Variants in OR4K5 observed in about 807,000 individuals in gnomAD.
OR4K5 encodes olfactory receptor 4K5.
For synonymous variants in OR4K5, 187 were observed against 142.2 expected, an observed-to-expected ratio of 1.31 and a Z score of -2.24; for missense variants, 520 against 377.1, an observed-to-expected ratio of 1.38 and a Z score of -3.14.
chr14:19,921,212 T>G lies in OR4K5; in HGVS notation c.606T>G (p.Asn202Lys). ...SYIIEILIVV[N>K]SGILSLSTFS... Reference sequence around the variant, plus strand: ...TCATTGAAATACTAATTGTGGTCAATAGTGGAATTCTTTCCCTAAGCACTT... The same window carrying G: ...TCATTGAAATACTAATTGTGGTCAAGAGTGGAATTCTTTCCCTAAGCACTT... Residue 202 changes from asparagine (N) to lysine (K), a missense_variant, in exon 1 of 1, where the codon AAT (asparagine) becomes AAG (lysine). Physicochemically the swap from Asn to Lys is moderately conservative, Grantham distance 94. Transcript: ENST00000315915. 1 of 1,614,198 alleles carries G rather than the reference T, an allele frequency of 6.2e-7. No individual in the cohort carries two copies.
rs1221834647 is a variant in OR4K5, at chr14:19,921,172, G to T, written c.566G>T (p.Cys189Phe). 3 of 1,614,038 alleles carry T rather than the reference G, an allele frequency of 1.9e-6. No individual in the cohort carries two copies. In the African/African-American group the frequency reaches 4.0e-5, roughly 22 times the overall value. The stretch of plus-strand genomic sequence containing the variant: ...CTTCCTCGAGTCACCAAACTTGCCT[G>T]CCTGGACTCTTACATCATTGAAATA... Reference protein sequence around the residue: ...CDLPRVTKLACLDSYIIEILI... With the variant: ...CDLPRVTKLAFLDSYIIEILI... Residue 189 changes from cysteine (C) to phenylalanine (F), a missense_variant, in exon 1 of 1, where the codon TGC becomes TTC. Cys to Phe is a radical substitution (Grantham distance 205). Coordinates refer to ENST00000315915, the MANE Select transcript of OR4K5 (RefSeq NM_001005483.1).
Position 19,921,427 on chromosome 14 carries a change from T to C in OR4K5, c.821T>C (p.Phe274Ser). The change falls in exon 1 of 1, where the codon TTT (phenylalanine) becomes TCT (serine). Residue 274 changes from phenylalanine to serine, a missense_variant. Phe to Ser is a radical substitution (Grantham distance 155, BLOSUM62 -2). Coordinates refer to ENST00000315915, the MANE Select transcript of OR4K5 (RefSeq NM_001005483.1). ...ISPLDKFLAI[F>S]YTVFTPVLNP... ...CCTTTGGATAAATTTCTTGCCATAT[T>C]TTACACTGTTTTCACCCCCGTCCTA... 6.2e-7 allele frequency: 1 copy of C among 1,614,166 alleles called. No homozygotes were observed. The highest frequency in any genetic ancestry group is 8.5e-7 in the Non-Finnish European group (1 of 1,179,998).
Position 19,921,431 on chromosome 14 carries a change from C to T in OR4K5, c.825C>T (p.Tyr275=), listed in dbSNP as rs530925584. Residue 275 remains tyrosine, a synonymous_variant, in exon 1 of 1, where the codon TAC becomes TAT. Transcript: ENST00000315915. ...SPLDKFLAIF[Y]TVFTPVLNPI... ...TGGATAAATTTCTTGCCATATTTTA[C>T]ACTGTTTTCACCCCCGTCCTAAACC... The T allele has an allele frequency of 1.2e-6, 2 of 1,614,016 alleles. No individual in the cohort carries two copies.
At position 19,921,104 on chromosome 14, in the gene OR4K5, G is replaced by T. The variant is rs936305586; in HGVS notation, c.498G>T (p.Leu166=). 4 of 1,614,034 alleles carry T rather than the reference G, an allele frequency of 2.5e-6. No homozygotes were observed. In the African/African-American group the frequency reaches 5.3e-5, roughly 22 times the overall value. ...TLSQLSFTVN[L]PFCGPNVVDS... ...GCCAGTTATCATTTACTGTGAACCTGCCTTTTTGTGGACCTAATGTAGTAG... is the reference window on the plus strand; with the variant it reads ...GCCAGTTATCATTTACTGTGAACCTTCCTTTTTGTGGACCTAATGTAGTAG... The change falls in exon 1 of 1, where the codon CTG becomes CTT. Residue 166 remains leucine, a synonymous_variant. Coordinates refer to ENST00000315915, the MANE Select transcript of OR4K5 (RefSeq NM_001005483.1).
rs754414477 is a variant in OR4K5, at chr14:19,921,317, T to C, written c.711T>C (p.Phe237=). Residue 237 remains phenylalanine, a synonymous_variant, in exon 1 of 1, where the codon TTT becomes TTC. Transcript: ENST00000315915. ...LKSSAAMAKA[F]STLASHIAVV... ...CTTCAGCTGCAATGGCAAAGGCATT[T>C]TCTACGCTGGCTTCCCATATTGCAG... 5.0e-6 allele frequency: 8 copies of C among 1,614,202 alleles called. No individual in the cohort carries two copies. The highest frequency in any genetic ancestry group is 5.9e-6 in the Non-Finnish European group (7 of 1,180,008).
Position 19,920,789 on chromosome 14 carries a change from T to A in OR4K5, c.183T>A (p.Phe61Leu). 1 of 1,614,204 alleles carries A rather than the reference T, an allele frequency of 6.2e-7. No homozygotes were observed. Among genetic ancestry groups the A allele is most frequent in the Non-Finnish European group, 8.5e-7 (1 of 1,180,012 alleles). Residue 61 changes from phenylalanine to leucine, a missense_variant, in exon 1 of 1, where the codon TTT becomes TTA. Transcript: ENST00000315915. ...SDTSLHSPMY[F>L]LLGNLSFVDI... Reference sequence around the variant, plus strand: ...CCAGCCTGCACTCCCCTATGTACTTTCTCTTGGGAAACCTTTCCTTTGTTG... The same window carrying A: ...CCAGCCTGCACTCCCCTATGTACTTACTCTTGGGAAACCTTTCCTTTGTTG...
Position 19,921,005 on chromosome 14 carries a change from G to A in OR4K5, c.399G>A (p.Val133=). The change falls in exon 1 of 1, where the codon GTG becomes GTA. Residue 133 remains valine (V), a synonymous_variant. Transcript: ENST00000315915. Reference sequence around the variant, plus strand: ...CCATATGCAAACCCTTATACTATGTGGTCATCATGAGCCGAAGGACATGCA... The same window carrying A: ...CCATATGCAAACCCTTATACTATGTAGTCATCATGAGCCGAAGGACATGCA... The part of the protein sequence containing the change: ...YVAICKPLYY[V]VIMSRRTCTV... The A allele has an allele frequency of 6.2e-7, 1 of 1,614,154 alleles. No individual in the cohort carries two copies. The highest frequency in any genetic ancestry group is 2.2e-5 in the East Asian group (1 of 44,890).
In OR4K5 at chr14:19,920,859, T is replaced by C. The variant is rs1305130662; in HGVS notation, c.253T>C (p.Phe85Leu). 5.6e-6 allele frequency: 9 copies of C among 1,614,182 alleles called. No individual in the cohort carries two copies. The highest frequency in any genetic ancestry group is 7.6e-6 in the Non-Finnish European group (9 of 1,179,990). The change falls in exon 1 of 1, where the codon TTT (phenylalanine) becomes CTT (leucine). Residue 85 changes from phenylalanine to leucine, a missense_variant. Transcript: ENST00000315915. Reference protein sequence around the residue: ...SFATPKMIADFLSAHETISFS... With the variant: ...SFATPKMIADLLSAHETISFS... ...TGCTACCCCTAAAATGATTGCAGAT[T>C]TTCTGAGTGCACACGAGACCATATC...
Position 19,921,022 on chromosome 14 carries a change from G to A in OR4K5, c.416G>A (p.Arg139Lys), listed in dbSNP as rs1305077423. The A allele has an allele frequency of 3.7e-6, 6 of 1,614,204 alleles. No individual in the cohort carries two copies. In the South Asian group the frequency reaches 6.6e-5, roughly 18 times the overall value. Residue 139 changes from arginine (R) to lysine (K), a missense_variant, in exon 1 of 1, where the codon AGG (arginine) becomes AAG (lysine). Physicochemically the swap from Arg to Lys is conservative, Grantham distance 26. Transcript: ENST00000315915. ...PLYYVVIMSRRTCTVLVMISW... is the reference protein window; with the variant it reads ...PLYYVVIMSRKTCTVLVMISW... ...TACTATGTGGTCATCATGAGCCGAA[G>A]GACATGCACTGTCTTGGTAATGATC...
In OR4K5 at chr14:19,921,422, C is replaced by T; in HGVS notation, c.816C>T (p.Ala272=). 1.2e-6 allele frequency: 2 copies of T among 1,614,090 alleles called. No homozygotes were observed. Among genetic ancestry groups the T allele is most frequent in the South Asian group, 1.1e-5 (1 of 91,084 alleles). ...TCTCTCCTTTGGATAAATTTCTTGC[C>T]ATATTTTACACTGTTTTCACCCCCG... ...FTISPLDKFL[A]IFYTVFTPVL... Residue 272 remains alanine (A), a synonymous_variant, in exon 1 of 1, where the codon GCC becomes GCT. Transcript: ENST00000315915.
rs764173018 is a variant in OR4K5 at position 19,920,656 on chromosome 14, T to C, written c.50T>C (p.Leu17Pro). Reference protein sequence around the residue: ...SVVSEFVLLGLCSSQKLQLFY... With the variant: ...SVVSEFVLLGPCSSQKLQLFY... ...GTGTCTGAATTTGTACTGTTGGGAC[T>C]CTGTAGTTCTCAAAAACTCCAGCTT... Residue 17 changes from leucine (L) to proline (P), a missense_variant, in exon 1 of 1, where the codon CTC (leucine) becomes CCC (proline). Coordinates refer to ENST00000315915, the MANE Select transcript of OR4K5 (RefSeq NM_001005483.1). 6.2e-7 allele frequency: 1 copy of C among 1,613,824 alleles called. No homozygotes were observed.
In OR4K5 at chr14:19,921,026, A is replaced by T; in HGVS notation, c.420A>T (p.Thr140=). Residue 140 remains threonine, a synonymous_variant, in exon 1 of 1, where the codon ACA becomes ACT. Transcript: ENST00000315915. ...LYYVVIMSRR[T]CTVLVMISWA... ...ATGTGGTCATCATGAGCCGAAGGAC[A>T]TGCACTGTCTTGGTAATGATCTCCT... 1 of 1,614,204 alleles carries T rather than the reference A, an allele frequency of 6.2e-7. No homozygotes were observed. The highest frequency in any genetic ancestry group is 8.5e-7 in the Non-Finnish European group (1 of 1,179,996).
chr14:19,921,417 C>A lies in OR4K5; in HGVS notation c.811C>A (p.Leu271Ile), dbSNP rs1234650503. 6.2e-7 allele frequency: 1 copy of A among 1,614,112 alleles called. No individual in the cohort carries two copies. The highest frequency in any genetic ancestry group is 1.1e-5 in the South Asian group (1 of 91,084). ...PFTISPLDKF[L>I]AIFYTVFTPV... is the part of the protein sequence containing the mutation. ...TACCATCTCTCCTTTGGATAAATTT[C>A]TTGCCATATTTTACACTGTTTTCAC... The change falls in exon 1 of 1, where the codon CTT becomes ATT. Residue 271 changes from leucine to isoleucine, a missense_variant. Transcript: ENST00000315915.
At position 19,921,345 on chromosome 14, in the gene OR4K5, G is replaced by A. The variant is rs749230082; in HGVS notation, c.739G>A (p.Val247Ile). 3.7e-6 allele frequency: 6 copies of A among 1,614,150 alleles called. No individual in the cohort carries two copies. Among genetic ancestry groups the A allele is most frequent in the Middle Eastern group, 3.3e-4 (2 of 6,062 alleles). The change falls in exon 1 of 1, where the codon GTA (valine) becomes ATA (isoleucine). Residue 247 changes from valine (V) to isoleucine (I), a missense_variant. Coordinates refer to ENST00000315915, the MANE Select transcript of OR4K5 (RefSeq NM_001005483.1). ...TACGCTGGCTTCCCATATTGCAGTA[G>A]TAATATTATTCTTTGGACCTTGCAT... ...FSTLASHIAV[V>I]ILFFGPCIFI...
chr14:19,920,971 G>A lies in OR4K5; in HGVS notation c.365G>A (p.Arg122Lys). Residue 122 changes from arginine (R) to lysine (K), a missense_variant, in exon 1 of 1, where the codon AGG becomes AAG. Coordinates refer to ENST00000315915, the MANE Select transcript of OR4K5 (RefSeq NM_001005483.1). ...CTACTTGTTTCGATGGCCTATGACAGGTATGTAGCCATATGCAAACCCTTA... is the reference window on the plus strand; with the variant it reads ...CTACTTGTTTCGATGGCCTATGACAAGTATGTAGCCATATGCAAACCCTTA... ...MVLLVSMAYD[R>K]YVAICKPLYY... 2 of 1,614,132 alleles carry A rather than the reference G, an allele frequency of 1.2e-6. No individual in the cohort carries two copies. Among genetic ancestry groups the A allele is most frequent in the South Asian group, 1.1e-5 (1 of 91,084 alleles).
Position 19,920,873 on chromosome 14 carries a change from C to G in OR4K5, c.267C>G (p.His89Gln). Reference protein sequence around the residue: ...PKMIADFLSAHETISFSGCIA... With the variant: ...PKMIADFLSAQETISFSGCIA... Reference sequence around the variant, plus strand: ...TGATTGCAGATTTTCTGAGTGCACACGAGACCATATCTTTCAGTGGCTGCA... The same window carrying G: ...TGATTGCAGATTTTCTGAGTGCACAGGAGACCATATCTTTCAGTGGCTGCA... The change falls in exon 1 of 1, where the codon CAC becomes CAG. Residue 89 changes from histidine (H) to glutamine (Q), a missense_variant. Coordinates refer to ENST00000315915, the MANE Select transcript of OR4K5 (RefSeq NM_001005483.1). 6.2e-7 allele frequency: 1 copy of G among 1,614,172 alleles called. No individual in the cohort carries two copies. Among genetic ancestry groups the G allele is most frequent in the Non-Finnish European group, 8.5e-7 (1 of 1,179,994 alleles).
rs1477207784 is a variant in OR4K5 at position 19,920,739 on chromosome 14, A to G, written c.133A>G (p.Ile45Val). The change falls in exon 1 of 1, where the codon ATT becomes GTT. Residue 45 changes from isoleucine (I) to valine (V), a missense_variant. Ile to Val is a conservative substitution (Grantham distance 29). Transcript: ENST00000315915. ...YTVIVLGNLLIILTVTSDTSL... is the reference protein window; with the variant it reads ...YTVIVLGNLLVILTVTSDTSL... ...AGTCATTGTGCTGGGAAATCTTCTC[A>G]TTATCCTCACAGTGACTTCTGATAC... is the stretch of plus-strand genomic sequence containing the variant. The G allele has an allele frequency of 6.2e-7, 1 of 1,614,072 alleles. No homozygotes were observed. Among genetic ancestry groups the G allele is most frequent in the Admixed American group, 1.7e-5 (1 of 60,006 alleles).
rs1881922437 is a variant in OR4K5, at chr14:19,921,009, A to G, written c.403A>G (p.Ile135Val). Residue 135 changes from isoleucine to valine, a missense_variant, in exon 1 of 1, where the codon ATC (isoleucine) becomes GTC (valine). Coordinates refer to ENST00000315915, the MANE Select transcript of OR4K5 (RefSeq NM_001005483.1). ...AICKPLYYVV[I>V]MSRRTCTVLV... Reference sequence around the variant, plus strand: ...ATGCAAACCCTTATACTATGTGGTCATCATGAGCCGAAGGACATGCACTGT... The same window carrying G: ...ATGCAAACCCTTATACTATGTGGTCGTCATGAGCCGAAGGACATGCACTGT... The G allele has an allele frequency of 5.0e-6, 8 of 1,614,086 alleles. No homozygotes were observed. The East Asian group carries it at 6.7e-5, about 13-fold the overall frequency.
Position 19,921,498 on chromosome 14 carries a change from G to C in OR4K5, c.892G>C (p.Val298Leu). 6.2e-7 allele frequency: 1 copy of C among 1,613,940 alleles called. No homozygotes were observed. The highest frequency in any genetic ancestry group is 8.5e-7 in the Non-Finnish European group (1 of 1,179,844). Residue 298 changes from valine (V) to leucine (L), a missense_variant, in exon 1 of 1, where the codon GTA becomes CTA. Transcript: ENST00000315915. ...AAGGAATAGGGATATGAAGGCTGCC[G>C]TAAGGAAAATTGTGAACCATTACCT... ...TLRNRDMKAA[V>L]RKIVNHYLRP...
Sources: gnomAD v4.1 joint callset for allele counts on GRCh38, gnomAD v4.1.1 for gene constraint, MANE v1.5 for transcripts, NCBI Gene and HGNC (gene_info 2026-07-23, HGNC 2026-07-21) for gene names.